F13A1: variants seen among roughly 807,000 people sequenced by gnomAD.
The protein encoded by F13A1 is FSF, A subunit.
Under a neutral mutation model 80.1 loss-of-function variants are expected in F13A1, and 47 were observed. The ratio of observed to expected loss-of-function variants is 0.59; its 90% CI spans 0.46 to 0.75. The LOEUF (loss-of-function observed/expected upper bound fraction) is 0.75, where lower values mean the gene tolerates loss of function less well. Ranked by LOEUF, F13A1 falls within the 30% of genes least tolerant of loss-of-function variation. The pLI, the probability that F13A1 is intolerant of heterozygous loss-of-function variation, is 0.00. For synonymous variants in F13A1, 349 were observed against 344.9 expected, an observed-to-expected ratio of 1.01 and a Z score of -0.13; for missense variants, 817 against 930.4, an observed-to-expected ratio of 0.88 and a Z score of 1.59.
intron 8 of F13A1, among the ~76,000 whole-genome samples, chr6:6,220,834 T>C (rs909593996): frequency 2.6e-5 from 4 of 152,218 alleles, no homozygotes; most frequent in African/African-American, 9.6e-5. Flanking sequence ...TCCCTTCCAA[T>C]GAACCGAACT....
Position 6,248,375 on chromosome 6 carries a change from T to G in F13A1, c.735A>C (p.Arg245Ser). ...CTCTTCCAGAGAGGTCCATTTGTGC[T>G]CTGTCCATCACATACAGGCAAGTGT... is the stretch of plus-strand genomic sequence containing the variant. ...ILDTCLYVMD[R>S]AQMDLSGRGN... Residue 245 changes from arginine to serine, a missense_variant, in exon 6 of 15, where the codon AGA (arginine) becomes AGC (serine). Arg to Ser is a moderately radical substitution (Grantham distance 110, BLOSUM62 -1). Transcript: ENST00000264870. 2 of 1,613,934 alleles carry G rather than the reference T, an allele frequency of 1.2e-6. No homozygotes were observed. Among genetic ancestry groups the G allele is most frequent in the Non-Finnish European group, 1.7e-6 (2 of 1,179,884 alleles).
intron 8 of F13A1, among the ~76,000 whole-genome samples, chr6:6,203,407 AG>A (rs1483272210): frequency 3.3e-5 from 5 of 152,250 alleles, no homozygotes. Context: ...GTAGATTATC[AG>A]GTGGGTCTGG....
chr6:6,306,549 A>G (rs1758514942), intron 2 of F13A1, among the ~76,000 whole-genome samples: 1 of 152,194 alleles, frequency 6.6e-6, no homozygotes, highest in Admixed American at 6.5e-5. Context: ...ATGAATGATG[A>G]CTGAAAGTGG....
At chr6:6,247,728 G>T (rs912606316) in intron 6 of F13A1, among the ~76,000 whole-genome samples, 2 of 152,212 alleles carry the variant, frequency 1.3e-5, no homozygotes, top group African/African-American at 2.4e-5. Context: ...CTTTGTCACT[G>T]AAAGCTGTCC....
intron 2 of F13A1, among the ~76,000 whole-genome samples, chr6:6,313,956 A>C (rs935575316): frequency 6.8e-6 from 1 of 147,936 alleles, no homozygotes; most frequent in Non-Finnish European, 1.5e-5. Context: ...GCTTCCAAAC[A>C]TATCTCCTGT....
rs940903170 is a variant in F13A1 at position 6,305,623 on chromosome 6, C to T, written c.131-84G>A. On this transcript the variant is annotated intron_variant, in intron 2 of 14. Coordinates refer to ENST00000264870, the MANE Select transcript of F13A1 (RefSeq NM_000129.4). Reference sequence around the variant, plus strand: ...AAACTCAAAAACAAGATTATTTTCCCTGAAGAAGGCAGGTAGCAAGGTCTG... The same window carrying T: ...AAACTCAAAAACAAGATTATTTTCCTTGAAGAAGGCAGGTAGCAAGGTCTG... 3.5e-5 allele frequency: 50 copies of T among 1,432,278 alleles called. No individual in the cohort carries two copies. In the South Asian group the frequency reaches 4.2e-4, roughly 12 times the overall value. The allele number at this position is 1,432,278 out of a possible 1,614,324, so 88.7% of individuals were successfully genotyped here.
rs372296352 is a variant in F13A1, at chr6:6,248,420, C to T, written c.691-1G>A. ...AAGTGTCCAGGATGCCATCTTCAAA[C>T]TATTTGGAGAAAGAAAAACAAAGAG... On this transcript the variant is annotated splice_acceptor_variant, in intron 5 of 14. Transcript: ENST00000264870. LOFTEE classifies it high-confidence loss of function. The T allele has an allele frequency of 7.8e-5, 126 of 1,611,306 alleles. No homozygotes were observed. The highest frequency in any genetic ancestry group is 1.0e-4 in the Non-Finnish European group (121 of 1,178,122).
intron 4 of F13A1, among the ~76,000 whole-genome samples, chr6:6,251,373 G>GGTAACA (rs199619905): frequency 0.016 from 2,474 of 152,256 alleles, 57 homozygotes; most frequent in East Asian, 0.11. Context: ...CACGTGAGAA[G>GGTAACA]GCCCACGTGT....
intron 3 of F13A1, among the ~76,000 whole-genome samples, chr6:6,303,640 C>T (rs1758468758): frequency 6.6e-6 from 1 of 152,112 alleles, no homozygotes; most frequent in Non-Finnish European, 1.5e-5. Context: ...AAAACTCATT[C>T]CTTCCATCTA....
At chr6:6,224,137 C>G (rs1232584582) in intron 7 of F13A1, among the ~76,000 whole-genome samples, 1 of 152,002 alleles carries the variant, frequency 6.6e-6, no homozygotes, top group Non-Finnish European at 1.5e-5. Flanking sequence ...AAAGATTGTT[C>G]ATTATGTTCT....
intron 3 of F13A1, among the ~76,000 whole-genome samples, chr6:6,296,929 CTAA>C (rs1758337899): frequency 6.8e-6 from 1 of 148,114 alleles, no homozygotes; most frequent in Non-Finnish European, 1.5e-5. Flanking sequence ...CCATCAATAC[CTAA>C]TTTATTGAGA....
chr6:6,243,590 T>G lies in F13A1; in HGVS notation c.798+4722A>C, dbSNP rs984277345. Reference sequence around the variant, plus strand: ...TCAATCTTACATAATTATTGTGTTATTGGCAATAACGTGTTGATAGTGGCC... The same window carrying G: ...TCAATCTTACATAATTATTGTGTTAGTGGCAATAACGTGTTGATAGTGGCC... On this transcript the variant is annotated intron_variant, in intron 6 of 14. Transcript: ENST00000264870. The surrounding 1 kb of genome is among the most constrained non-coding windows in gnomAD (Gnocchi z 4.2). Among the ~76,000 whole-genome samples, 4 of 152,244 alleles carry G rather than the reference T, an allele frequency of 2.6e-5. No homozygotes were observed. The highest frequency in any genetic ancestry group is 9.6e-5 in the African/African-American group (4 of 41,458).
intron 1 of F13A1, among the ~76,000 whole-genome samples, chr6:6,319,360 G>A (rs1758735681): frequency 6.6e-6 from 1 of 152,178 alleles, no homozygotes; most frequent in African/African-American, 2.4e-5. Flanking sequence ...TGAGCCACAT[G>A]GAGGAGGATA....
chr6:6,234,123 TA>T (rs907378527), intron 6 of F13A1, among the ~76,000 whole-genome samples: 1 of 151,990 alleles, frequency 6.6e-6, no homozygotes, highest in African/African-American at 2.4e-5. Flanking sequence ...GAGAAAGAAA[TA>T]AAGGACATCC....
At position 6,179,003 on chromosome 6, in the gene F13A1, G is replaced by A. The variant is rs913715998; in HGVS notation, c.1459+2985C>T. Among the ~76,000 whole-genome samples the A allele has an allele frequency of 3.9e-5, 6 of 152,206 alleles. 1 individual carries two copies. The South Asian group carries it at 6.2e-4, about 16-fold the overall frequency. On this transcript the variant is annotated intron_variant, in intron 11 of 14. Transcript: ENST00000264870. ...GAGTGGAGAAGGAACACAGCAGGAC[G>A]CAAGTCCAGGCAGCGCTCCAGGACG... is the stretch of plus-strand genomic sequence containing the variant.
intron 3 of F13A1, among the ~76,000 whole-genome samples, chr6:6,287,574 A>C (rs1419157735): frequency 6.6e-6 from 1 of 152,110 alleles, no homozygotes; most frequent in Non-Finnish European, 1.5e-5. Context: ...ATGGCCCTTC[A>C]TAAGTGCTCT....
intron 4 of F13A1, among the ~76,000 whole-genome samples, chr6:6,263,894 T>C (rs1480579863): frequency 1.3e-5 from 2 of 152,246 alleles, no homozygotes; most frequent in Non-Finnish European, 1.5e-5. Context: ...TCATCTCCAC[T>C]GGTACCACCA....
intron 6 of F13A1, among the ~76,000 whole-genome samples, chr6:6,227,831 T>A (rs1583082348): frequency 6.6e-6 from 1 of 152,154 alleles, no homozygotes; most frequent in Non-Finnish European, 1.5e-5. Context: ...CTACAGACCT[T>A]TTAATTGTTA....
At chr6:6,305,583 C>G in intron 2 of F13A1, 44 bp from the exon 3 acceptor site, 1 of 1,594,436 alleles carries the variant, frequency 6.3e-7, no homozygotes, top group Non-Finnish European at 8.6e-7. Context: ...AATCAACTAA[C>G]TTTAGTTTAA....
Sources: allele counts gnomAD v4.1 joint callset (sites outside exome capture counted in the v4.1 genomes callset), GRCh38; gene constraint gnomAD v4.1.1; non-coding constraint Gnocchi (gnomAD v3.1); transcripts MANE v1.5; gene names NCBI Gene and HGNC (gene_info 2026-07-23, HGNC 2026-07-21).